Variants in HIBADH observed in about 807,000 individuals in gnomAD.
HIBADH encodes the protein 3-hydroxyisobutyrate dehydrogenase, mitochondrial.
Under a neutral mutation model 36.1 loss-of-function variants are expected in HIBADH, and 25 were observed. That is an observed-to-expected ratio of 0.69 (90% CI 0.50 to 0.97). HIBADH has a LOEUF of 0.97. Among genes scored for constraint, HIBADH ranks in the 50% least tolerant of loss-of-function variants. HIBADH has a pLI of 0.00. For synonymous variants in HIBADH, 160 were observed against 149.5 expected (o/e 1.07, Z -0.51); for missense variants, 421 against 418.0 (o/e 1.01, Z -0.06).
At chr7:27,660,411 C>T (rs760001667) in intron 1 of HIBADH, among the ~76,000 whole-genome samples, 1 of 152,242 alleles carries the variant, frequency 6.6e-6, no homozygotes, top group African/African-American at 2.4e-5. Context: ...CGCCTGTAAT[C>T]CCAGCACTCT....
At chr7:27,610,512 T>C (rs1475563427) in intron 4 of HIBADH, among the ~76,000 whole-genome samples, 1 of 152,156 alleles carries the variant, frequency 6.6e-6, no homozygotes, top group Admixed American at 6.5e-5. Context: ...AACTTATTCA[T>C]TGTGTGTAAC....
chr7:27,548,045 C>G (rs1784258910), intron 4 of HIBADH, among the ~76,000 whole-genome samples: 1 of 152,040 alleles, frequency 6.6e-6, no homozygotes, highest in Admixed American at 6.6e-5. Flanking sequence ...AATGCCCAAA[C>G]TATGCAAAAT....
chr7:27,616,839 AAATAAG>A (rs540068085), intron 4 of HIBADH, among the ~76,000 whole-genome samples: 180 of 152,270 alleles, frequency 1.2e-3, no homozygotes, highest in African/African-American at 3.9e-3. Context: ...AAAGCTTATA[AAATAAG>A]AATATCAGGA....
intron 5 of HIBADH, among the ~76,000 whole-genome samples, chr7:27,542,521 C>T (rs1301088144): frequency 7.3e-6 from 1 of 136,378 alleles, no homozygotes; most frequent in Non-Finnish European, 1.5e-5. Context: ...TCATGGCTCA[C>T]TGCAGCCTCA....
intron 4 of HIBADH, among the ~76,000 whole-genome samples, chr7:27,569,065 AT>A (rs1239196406): frequency 6.6e-6 from 1 of 151,970 alleles, no homozygotes; most frequent in African/African-American, 2.4e-5. Context: ...GATAATTTCC[AT>A]TCATGTAATT....
chr7:27,590,508 C>T (rs1784923705), intron 4 of HIBADH, among the ~76,000 whole-genome samples: 1 of 152,158 alleles, frequency 6.6e-6, no homozygotes, highest in African/African-American at 2.4e-5. Flanking sequence ...CTTTCAGAAG[C>T]ACTAAAAAAC....
At chr7:27,589,880 G>A (rs185094148) in intron 4 of HIBADH, among the ~76,000 whole-genome samples, 7 of 152,224 alleles carry the variant, frequency 4.6e-5, no homozygotes, top group South Asian at 2.1e-4. Flanking sequence ...TCCAAATCCC[G>A]TGATCGTCCC....
chr7:27,589,574 C>T (rs1487993440), intron 4 of HIBADH, among the ~76,000 whole-genome samples: 1 of 152,114 alleles, frequency 6.6e-6, no homozygotes, highest in Non-Finnish European at 1.5e-5. Flanking sequence ...TGTAGAAAGG[C>T]ACAGAGATAT....
chr7:27,557,856 T>C (rs1238782457), intron 4 of HIBADH, among the ~76,000 whole-genome samples: 6 of 152,170 alleles, frequency 3.9e-5, no homozygotes, highest in East Asian at 1.9e-4. Context: ...TAGCACAATA[T>C]ACAAGAACTA....
At position 27,529,653 on chromosome 7, in the gene HIBADH, TCTA is replaced by T. The variant is rs1263543403; in HGVS notation, c.852+1536_852+1538del. 8.5e-5 allele frequency among the ~76,000 whole-genome samples: 13 copies of T among 152,346 alleles called. 1 individual carries two copies. The East Asian group carries it at 2.5e-3, about 29-fold the overall frequency. ...AAAGAAAGTGGTTTCTTGAGATGGATCTACTCCTGGTGAAATGACAGAAAGGAT... is the reference window on the plus strand; with the variant it reads ...AAAGAAAGTGGTTTCTTGAGATGGATCTCCTGGTGAAATGACAGAAAGGAT... On this transcript the variant is annotated intron_variant, in intron 7 of 7. Coordinates refer to ENST00000265395, the MANE Select transcript of HIBADH (RefSeq NM_152740.4).
rs184035767 is a variant in HIBADH, at chr7:27,562,037, A to T, written c.485-18937T>A. On this transcript the variant is annotated intron_variant, in intron 4 of 7. Coordinates refer to ENST00000265395, the MANE Select transcript of HIBADH (RefSeq NM_152740.4). ...TGTCTTATAAATAAGATTCAGCAGG[A>T]GTTTTCAAAAATCCAACATGATAAA... is the stretch of plus-strand genomic sequence containing the variant. Among the ~76,000 whole-genome samples the T allele has an allele frequency of 2.0e-3, 312 of 152,226 alleles. 1 individual carries two copies. The highest frequency in any genetic ancestry group is 7.2e-3 in the African/African-American group (300 of 41,572).
chr7:27,599,676 T>C (rs1329018104), intron 4 of HIBADH, among the ~76,000 whole-genome samples: 2 of 58,610 alleles, frequency 3.4e-5, no homozygotes, highest in Non-Finnish European at 5.2e-5. Flanking sequence ...CGAGACTCTG[T>C]CTCCAAAAAA....
chr7:27,617,774 C>A (rs532577796), intron 4 of HIBADH, among the ~76,000 whole-genome samples: 2 of 152,306 alleles, frequency 1.3e-5, no homozygotes, highest in South Asian at 4.1e-4. Flanking sequence ...CTTACATGAA[C>A]CCTGACACTA....
intron 2 of HIBADH, among the ~76,000 whole-genome samples, chr7:27,634,388 C>G (rs1785800660): frequency 6.6e-6 from 1 of 152,032 alleles, no homozygotes; most frequent in Non-Finnish European, 1.5e-5. Context: ...GCATGAAAAC[C>G]TTTCCTACAC....
chr7:27,621,369 G>A (rs1333555768), intron 4 of HIBADH, among the ~76,000 whole-genome samples: 2 of 152,066 alleles, frequency 1.3e-5, no homozygotes, highest in Non-Finnish European at 2.9e-5. Flanking sequence ...ACACAAAATG[G>A]ACCTAACAGA....
chr7:27,631,808 A>C (rs1396169560), intron 3 of HIBADH, among the ~76,000 whole-genome samples: 1 of 152,186 alleles, frequency 6.6e-6, no homozygotes, highest in Non-Finnish European at 1.5e-5. Flanking sequence ...CTGATTTTTC[A>C]CAAAAAAATT....
chr7:27,532,851 G>A (rs1784022095), intron 6 of HIBADH, among the ~76,000 whole-genome samples: 1 of 152,114 alleles, frequency 6.6e-6, no homozygotes, highest in Non-Finnish European at 1.5e-5. Context: ...ATAAGATTAG[G>A]CTATCAGTAT....
At chr7:27,660,676 T>A (rs13309646) in intron 1 of HIBADH, among the ~76,000 whole-genome samples, 28,020 of 142,774 alleles carry the variant, frequency 0.2, 2,809 homozygotes, top group South Asian at 0.26. Flanking sequence ...AAAAAAAAAA[T>A]TTTTTTCAAG....
intron 4 of HIBADH, among the ~76,000 whole-genome samples, chr7:27,553,887 C>T (rs545725241): frequency 6.3e-4 from 96 of 152,242 alleles, no homozygotes; most frequent in African/African-American, 8.7e-4. Context: ...TTGCTCTTGT[C>T]GCCCAGGCTG....
Sources: gnomAD v4.1 joint callset for allele counts (sites outside exome capture counted in the v4.1 genomes callset) on GRCh38, gnomAD v4.1.1 for gene constraint, MANE v1.5 for transcripts, NCBI Gene and HGNC (gene_info 2026-07-23, HGNC 2026-07-21) for gene names.